DYNC1LI2: variants seen among roughly 807,000 people sequenced by gnomAD.
DYNC1LI2 encodes dynein cytoplasmic 1 light intermediate chain 2, also known as cytoplasmic dynein 1 light intermediate chain 2.
DYNC1LI2 carries 19 observed loss-of-function variants against 57.8 expected under a neutral mutation model. That is an observed-to-expected ratio of 0.33 (90% CI 0.23 to 0.48). DYNC1LI2 has a LOEUF of 0.48. Among genes scored for constraint, DYNC1LI2 ranks in the 20% least tolerant of loss-of-function variants. The pLI is 0.99. For synonymous variants in DYNC1LI2, 256 were observed against 233.4 expected, an observed-to-expected ratio of 1.10 and a Z score of -0.88; for missense variants, 470 against 604.2, an observed-to-expected ratio of 0.78 and a Z score of 2.33.
chr16:66,746,767 T>C (rs1264463710), intron 3 of DYNC1LI2, among the ~76,000 whole-genome samples: 3 of 152,176 alleles, frequency 2.0e-5, no homozygotes, highest in Non-Finnish European at 2.9e-5. Context: ...ATACACCCTG[T>C]ATCATTTTGT....
intron 3 of DYNC1LI2, among the ~76,000 whole-genome samples, chr16:66,747,237 C>T (rs1038561388): frequency 6.6e-6 from 1 of 152,138 alleles, no homozygotes; most frequent in Non-Finnish European, 1.5e-5. Flanking sequence ...CGCCACCATG[C>T]CTGGCTAATT....
intron 2 of DYNC1LI2, 121 bp from the exon 3 acceptor site, chr16:66,749,434 C>A: frequency 1.0e-6 from 1 of 961,576 alleles, no homozygotes; most frequent in Non-Finnish European, 1.6e-6. Context: ...GTTGAAGTCT[C>A]ACCTGCTTTC....
At chr16:66,735,988 A>G (rs903693002) in intron 5 of DYNC1LI2, 87 bp downstream of exon 5, 575 of 1,513,644 alleles carry the variant, frequency 3.8e-4, no homozygotes, top group Non-Finnish European at 4.9e-4. Flanking sequence ...CTCCCTTGGG[A>G]AAAAAACGTC....
At position 66,751,580 on chromosome 16, in the gene DYNC1LI2, C is replaced by A; in HGVS notation, c.12G>T (p.Val4=). 1.3e-6 allele frequency: 2 copies of A among 1,577,570 alleles called. No homozygotes were observed. Residue 4 remains valine, a synonymous_variant, in exon 1 of 13, where the codon GTG becomes GTT. Coordinates refer to ENST00000258198, the MANE Select transcript of DYNC1LI2 (RefSeq NM_006141.3). This position sits in a 1 kb window ranked among gnomAD's most constrained non-coding sequence, Gnocchi z 5.2. MAP[V]GVEKKLLLGP... ...CTAGCAGCAGCTTCTTCTCCACCCC[C>A]ACCGGCGCCATCTTGCCAACTGCAG...
At chr16:66,734,400 C>A in intron 5 of DYNC1LI2, 89 bp from the exon 6 acceptor site, 1 of 1,305,812 alleles carries the variant, frequency 7.7e-7, no homozygotes, top group Non-Finnish European at 1.1e-6. Flanking sequence ...AGTATTGTGG[C>A]TCCAAAGAAG....
At position 66,727,799 on chromosome 16, in the gene DYNC1LI2, G is replaced by C; in HGVS notation, c.1150C>G (p.Pro384Ala). 1 of 1,611,294 alleles carries C rather than the reference G, an allele frequency of 6.2e-7. No individual in the cohort carries two copies. Among genetic ancestry groups the C allele is most frequent in the South Asian group, 1.1e-5 (1 of 90,866 alleles). ...PATPTRASES[P>A]ARGPSGSPRT... ...GGAGAGCCAGAGGGTCCTCTTGCAG[G>C]AGATTCCTAAGTCCAAAAGCAGCTA... Residue 384 changes from proline (P) to alanine (A), a missense_variant, in exon 11 of 13, where the codon CCT (proline) becomes GCT (alanine). By Grantham distance (27) the Pro-to-Ala change is conservative (BLOSUM62 -1). Transcript: ENST00000258198.
chr16:66,741,384 T>G (rs1325402361), intron 4 of DYNC1LI2, among the ~76,000 whole-genome samples: 1 of 152,186 alleles, frequency 6.6e-6, no homozygotes, highest in African/African-American at 2.4e-5. Context: ...ACAATCACAG[T>G]AGCACACATG....
chr16:66,725,971 GCAT>G, intron 11 of DYNC1LI2, 27 bp from the exon 12 acceptor site: 1 of 1,601,310 alleles, frequency 6.2e-7, no homozygotes, highest in Non-Finnish European at 8.5e-7. Flanking sequence ...AGAAAAAAAA[GCAT>G]CATATAAACT....
chr16:66,746,159 T>A (rs2017932556), intron 3 of DYNC1LI2, among the ~76,000 whole-genome samples: 1 of 152,174 alleles, frequency 6.6e-6, no homozygotes. Flanking sequence ...GTACCCAAAG[T>A]CTGTGGGTTT....
At chr16:66,731,647 T>C (rs1015516578) in intron 7 of DYNC1LI2, 1 of 152,340 alleles carries the variant, frequency 6.6e-6, no homozygotes, top group African/African-American at 2.4e-5. Flanking sequence ...TCTGTGTCCT[T>C]TGCAGAGAAC....
Position 66,742,466 on chromosome 16 carries a change from T to G in DYNC1LI2, c.501A>C (p.Pro167=). 1 of 1,614,040 alleles carries G rather than the reference T, an allele frequency of 6.2e-7. No individual in the cohort carries two copies. Among genetic ancestry groups the G allele is most frequent in the Admixed American group, 1.7e-5 (1 of 60,010 alleles). The change falls in exon 4 of 13, where the codon CCA becomes CCC. Residue 167 remains proline, a synonymous_variant. Transcript: ENST00000258198. ...TCCGTTCCAGCTCCCTCATTTTTTC[T>G]GGTGGAATTTTCATTTTATCAATGT... The part of the protein sequence containing the change: ...REHIDKMKIP[P]EKMRELERKF...
At chr16:66,736,904 T>C (rs1483078130) in intron 4 of DYNC1LI2, among the ~76,000 whole-genome samples, 2 of 152,238 alleles carry the variant, frequency 1.3e-5, no homozygotes, top group African/African-American at 4.8e-5. Context: ...CCAGAAGAGT[T>C]GAACTGTGTA....
At chr16:66,730,250 T>C (rs1284005694) in intron 7 of DYNC1LI2, 27 bp from the exon 8 acceptor site, 3 of 1,599,534 alleles carry the variant, frequency 1.9e-6, no homozygotes, top group East Asian at 2.2e-5. Context: ...AGGGACTGAA[T>C]TGCTTTTCCT....
intron 4 of DYNC1LI2, among the ~76,000 whole-genome samples, chr16:66,739,623 C>A (rs994278551): frequency 6.6e-6 from 1 of 151,944 alleles, no homozygotes; most frequent in Non-Finnish European, 1.5e-5. Flanking sequence ...GACAGGGTTT[C>A]GCCATGTTGC....
In DYNC1LI2 at chr16:66,723,669, G is replaced by T; in HGVS notation, c.*53C>A. 6.5e-7 allele frequency: 1 copy of T among 1,532,376 alleles called. No individual in the cohort carries two copies. The highest frequency in any genetic ancestry group is 8.9e-7 in the Non-Finnish European group (1 of 1,128,242). The allele number at this position is 1,532,376 out of a possible 1,614,324, so 94.9% of individuals were successfully genotyped here. On this transcript the variant is annotated 3_prime_UTR_variant, in exon 13 of 13. Transcript: ENST00000258198. The stretch of plus-strand genomic sequence containing the variant: ...TATCAGAAAAATCCTGGTCTTAGCA[G>T]ATCAATATACATAGTTATTTGGTCA...
At chr16:66,750,161 C>A (rs945236530) in intron 2 of DYNC1LI2, among the ~76,000 whole-genome samples, 12 of 152,158 alleles carry the variant, frequency 7.9e-5, no homozygotes, top group African/African-American at 2.7e-4. Flanking sequence ...AGCTACTGTC[C>A]CTCTGCAGGC....
At chr16:66,744,092 C>G (rs2017892778) in intron 3 of DYNC1LI2, among the ~76,000 whole-genome samples, 1 of 152,176 alleles carries the variant, frequency 6.6e-6, no homozygotes, top group Admixed American at 6.5e-5. Flanking sequence ...ATTTTTGAGA[C>G]AGCGTCTGAG....
At position 66,725,861 on chromosome 16, in the gene DYNC1LI2, C is replaced by T; in HGVS notation, c.1345G>A (p.Ala449Thr). 1 of 1,614,168 alleles carries T rather than the reference C, an allele frequency of 6.2e-7. No homozygotes were observed. The highest frequency in any genetic ancestry group is 8.5e-7 in the Non-Finnish European group (1 of 1,180,008). ...TTGGCTGTGCTCTGCACCCCACCAG[C>T]ACCAGGACTTCCAGGAGAGCCTGTC... ...KKTGSPGSPG[A>T]GGVQSTAKKS... is the part of the protein sequence containing the mutation. Residue 449 changes from alanine (A) to threonine (T), a missense_variant, in exon 12 of 13, where the codon GCT becomes ACT. Coordinates refer to ENST00000258198, the MANE Select transcript of DYNC1LI2 (RefSeq NM_006141.3).
At position 66,742,543 on chromosome 16, in the gene DYNC1LI2, G is replaced by A; in HGVS notation, c.424C>T (p.Pro142Ser). 6.2e-7 allele frequency: 1 copy of A among 1,614,152 alleles called. No homozygotes were observed. Among genetic ancestry groups the A allele is most frequent in the Non-Finnish European group, 8.5e-7 (1 of 1,180,042 alleles). The change falls in exon 4 of 13, where the codon CCT becomes TCT. Residue 142 changes from proline (P) to serine (S), a missense_variant. Transcript: ENST00000258198. ...LVIFVADMSR[P>S]WTVMESLQKW... ...TGCAGAGATTCCATCACAGTCCAAG[G>A]TCTAGACATGTCTGCAACAAAAATG...
Sources: gnomAD v4.1 joint callset for allele counts (sites outside exome capture counted in the v4.1 genomes callset) on GRCh38, gnomAD v4.1.1 for gene constraint, Gnocchi (gnomAD v3.1) non-coding constraint, MANE v1.5 for transcripts, NCBI Gene and HGNC (gene_info 2026-07-23, HGNC 2026-07-21) for gene names.